The following LIMCH1 variants were observed in gnomAD, a reference collection of about 807,000 sequenced individuals.
The protein encoded by LIMCH1 is LIM and calponin homology domains-containing protein 1.
LIMCH1 carries 113 observed loss-of-function variants against 176.5 expected under a neutral mutation model. The observed-to-expected ratio is 0.64, with a 90% CI of 0.55 to 0.75. The LOEUF is 0.75. LIMCH1 is among the 30% of genes least tolerant of loss of function. The pLI is 0.00. For synonymous variants in LIMCH1, 619 were observed against 645.9 expected (o/e 0.96, Z 0.63); for missense variants, 1,674 against 1,814.9 (o/e 0.92, Z 1.41).
At chr4:41,460,589 G>C (rs1395908702) in intron 1 of LIMCH1, among the ~76,000 whole-genome samples, 1 of 151,394 alleles carries the variant, frequency 6.6e-6, no homozygotes, top group East Asian at 1.9e-4. Flanking sequence ...TTGATTCTCA[G>C]TGCTTTTCAG....
intron 1 of LIMCH1, chr4:41,551,203 G>A (rs2080364842): frequency 6.6e-6 from 1 of 152,158 alleles, no homozygotes; most frequent in Admixed American, 6.5e-5. Flanking sequence ...TAAGAATACA[G>A]ATGGACTGTG....
chr4:41,589,373 G>A (rs2087070015), intron 1 of LIMCH1, among the ~76,000 whole-genome samples: 1 of 152,178 alleles, frequency 6.6e-6, no homozygotes, highest in South Asian at 2.1e-4. Context: ...AAGCCGCATC[G>A]GGGGTGGTGG....
At chr4:41,371,481 C>T (rs2053954880) in intron 1 of LIMCH1, among the ~76,000 whole-genome samples, 2 of 152,120 alleles carry the variant, frequency 1.3e-5, no homozygotes, top group South Asian at 4.1e-4. Flanking sequence ...GAACCTGACT[C>T]CCCCACTGGA....
At chr4:41,536,222 C>A (rs1937044621), upstream of LIMCH1, among the ~76,000 whole-genome samples, 1 of 152,128 alleles carries the variant, frequency 6.6e-6, no homozygotes, top group African/African-American at 2.4e-5. Context: ...GAAAAAAATA[C>A]CACCAAATGT....
At chr4:41,647,352 T>C (rs1418641443) in intron 17 of LIMCH1, among the ~76,000 whole-genome samples, 1 of 152,224 alleles carries the variant, frequency 6.6e-6, no homozygotes, top group African/African-American at 2.4e-5. Flanking sequence ...CCATTTGACA[T>C]TGTAGCATCC....
intron 1 of LIMCH1, among the ~76,000 whole-genome samples, chr4:41,562,403 A>G (rs564537590): frequency 1.1e-4 from 17 of 152,280 alleles, no homozygotes; most frequent in East Asian, 7.7e-4. Flanking sequence ...GAGAATGTCA[A>G]TTAGCTAAGT....
At chr4:41,533,243 TG>T (rs1205961813), upstream of LIMCH1, among the ~76,000 whole-genome samples, 1 of 152,162 alleles carries the variant, frequency 6.6e-6, no homozygotes, top group Non-Finnish European at 1.5e-5. Flanking sequence ...ATCTCTGAAG[TG>T]ATGTTTTGTC....
chr4:41,684,676 G>A (rs757798161), intron 27 of LIMCH1, among the ~76,000 whole-genome samples, 158 bp downstream of exon 27: 21 of 152,010 alleles, frequency 1.4e-4, no homozygotes, highest in South Asian at 2.1e-4. Context: ...TTCTACCATC[G>A]TGTGCTCAGA....
chr4:41,463,147 G>GA (rs766863314), intron 1 of LIMCH1, among the ~76,000 whole-genome samples: 9 of 148,054 alleles, frequency 6.1e-5, no homozygotes, highest in Non-Finnish European at 1.3e-4. Flanking sequence ...TACACACGTA[G>GA]AGAATAAGTT....
At chr4:41,527,097 TAAATA>T (rs1340467561) in intron 3 of LIMCH1, among the ~76,000 whole-genome samples, 4 of 152,180 alleles carry the variant, frequency 2.6e-5, no homozygotes, top group Non-Finnish European at 5.9e-5. Flanking sequence ...TAAAATAAAT[TAAATA>T]AAACTAAAGA....
At chr4:41,616,082 C>G (rs1036835662) in intron 5 of LIMCH1, among the ~76,000 whole-genome samples, 15 of 152,146 alleles carry the variant, frequency 9.9e-5, no homozygotes, top group Non-Finnish European at 1.8e-4. Flanking sequence ...ACAAAACCCT[C>G]TACCCAGATG....
chr4:41,599,062 CT>C, intron 2 of LIMCH1, 36 bp downstream of exon 2: 1 of 1,291,282 alleles, frequency 7.7e-7, no homozygotes, highest in Non-Finnish European at 1.1e-6. Context: ...AGGGAAACTC[CT>C]TTATAGTTTG....
chr4:41,452,410 A>G (rs2063999348), intron 1 of LIMCH1, among the ~76,000 whole-genome samples: 2 of 152,168 alleles, frequency 1.3e-5, no homozygotes, highest in Non-Finnish European at 2.9e-5. Context: ...CTGGATGTAC[A>G]AGTCCCTGTG....
chr4:41,690,023 T>C (rs1349122544), intron 30 of LIMCH1, among the ~76,000 whole-genome samples: 1 of 152,184 alleles, frequency 6.6e-6, no homozygotes, highest in African/African-American at 2.4e-5. Context: ...AGGGTTTTAG[T>C]CTTTGACCTA....
At chr4:41,692,416 C>T (rs775665857) in intron 31 of LIMCH1, 32 bp downstream of exon 31, 4 of 1,338,974 alleles carry the variant, frequency 3.0e-6, no homozygotes, top group Non-Finnish European at 3.2e-6. Flanking sequence ...TCATGATGAC[C>T]GAGTGTAATC....
intron 1 of LIMCH1, among the ~76,000 whole-genome samples, chr4:41,587,641 A>G (rs1244549051): frequency 1.3e-5 from 2 of 152,128 alleles, no homozygotes; most frequent in Non-Finnish European, 2.9e-5. Flanking sequence ...CTGCTGGGTT[A>G]TACTGGACTC....
At chr4:41,411,010 T>G (rs2059431306) in intron 1 of LIMCH1, among the ~76,000 whole-genome samples, 1 of 152,222 alleles carries the variant, frequency 6.6e-6, no homozygotes. Context: ...CATCAGGTTA[T>G]TTCTTCTCCC....
intron 1 of LIMCH1, among the ~76,000 whole-genome samples, chr4:41,472,328 C>G (rs558779575): frequency 1.4e-5 from 2 of 143,810 alleles, no homozygotes; most frequent in East Asian, 4.4e-4. Flanking sequence ...TTCCCTCCCT[C>G]CCTCCCTCCC....
At chr4:41,558,846 T>C (rs1451788619) in intron 1 of LIMCH1, among the ~76,000 whole-genome samples, 1 of 152,190 alleles carries the variant, frequency 6.6e-6, no homozygotes, top group African/African-American at 2.4e-5. Context: ...GGAGGGTTCC[T>C]GTATATAATC....
Sources: gnomAD v4.1 joint callset for allele counts (sites outside exome capture counted in the v4.1 genomes callset) on GRCh38, gnomAD v4.1.1 for gene constraint, MANE v1.5 for transcripts, NCBI Gene and HGNC (gene_info 2026-07-23, HGNC 2026-07-21) for gene names.